Variants in CCDC125 observed in about 807,000 individuals in gnomAD.
The protein encoded by CCDC125 is coiled-coil domain containing 125.
In CCDC125, 43 loss-of-function variants were observed where a neutral mutation model predicts 57.4. That is an observed-to-expected ratio of 0.75 (90% CI 0.59 to 0.97). CCDC125 has a LOEUF of 0.97. Ranked by LOEUF, CCDC125 falls within the 50% of genes least tolerant of loss-of-function variation. The probability of loss-of-function intolerance (pLI) is 0.00; values close to 1 mark genes in which losing one functional copy is unlikely to be tolerated. For missense variants in CCDC125, 563 were observed against 595.7 expected, an observed-to-expected ratio of 0.95 and a Z score of 0.57; for synonymous variants, 187 against 195.2, an observed-to-expected ratio of 0.96 and a Z score of 0.35.
At chr5:69,276,688 A>G, downstream of CCDC125, 1 of 1,611,364 alleles carries the variant, frequency 6.2e-7, no homozygotes, top group Non-Finnish European at 8.5e-7. Flanking sequence ...GCCTTAGAAC[A>G]AGGTAAGATT....
chr5:69,273,140 A>G, the CCDC125 span: 3 of 846,480 alleles, frequency 3.5e-6, no homozygotes, highest in African/African-American at 5.2e-5. Context: ...TTTTTTAAAT[A>G]CTGGAAAGAT....
intron 6 of CCDC125, among the ~76,000 whole-genome samples, chr5:69,304,385 G>A (rs1239481912): frequency 6.6e-6 from 1 of 150,872 alleles, no homozygotes; most frequent in Non-Finnish European, 1.5e-5. Context: ...GATTACAGTT[G>A]TGAGCCATCA....
Position 69,330,972 on chromosome 5 carries a change from G to A in CCDC125, c.-41+1677C>T, listed in dbSNP as rs953268022. On this transcript the variant is annotated intron_variant, in intron 1 of 11. Coordinates refer to ENST00000396496, the MANE Select transcript of CCDC125 (RefSeq NM_176816.5). ...AAACATTCCATGGCTCCCATGGCAT[G>A]TATAATTGTAGTCAATGTCACCCTG... Among the ~76,000 whole-genome samples the A allele has an allele frequency of 3.3e-5, 5 of 152,004 alleles. No homozygotes were observed. The East Asian group carries it at 9.8e-4, about 30-fold the overall frequency.
At chr5:69,323,762 C>T (rs1026454211) in intron 1 of CCDC125, 3 of 152,176 alleles carry the variant, frequency 2.0e-5, no homozygotes, top group African/African-American at 7.2e-5. Flanking sequence ...CAACTAGTAT[C>T]ACTGAGCCCT....
chr5:69,276,686 A>G (rs774953043), downstream of CCDC125: 14 of 1,612,328 alleles, frequency 8.7e-6, no homozygotes, highest in Admixed American at 2.4e-4. Flanking sequence ...AGGCCTTAGA[A>G]CAAGGTAAGA....
At chr5:69,279,484 C>T (rs187674406), downstream of CCDC125, among the ~76,000 whole-genome samples, 4 of 152,284 alleles carry the variant, frequency 2.6e-5, no homozygotes, top group African/African-American at 9.6e-5. Context: ...GCGTGAGCCA[C>T]CGTGCCCGGC....
At chr5:69,300,275 A>G in intron 7 of CCDC125, 148 bp from the exon 8 acceptor site, 1 of 632,318 alleles carries the variant, frequency 1.6e-6, no homozygotes, top group African/African-American at 1.8e-5. Context: ...ATCTGATAGA[A>G]TAGTGAGTAT....
chr5:69,321,127 T>C (rs779545323), intron 1 of CCDC125, among the ~76,000 whole-genome samples: 7 of 152,220 alleles, frequency 4.6e-5, no homozygotes, highest in Non-Finnish European at 8.8e-5. Context: ...ATGGTGAATA[T>C]AACAAAAATG....
chr5:69,319,075 G>A (rs567925916), intron 2 of CCDC125, among the ~76,000 whole-genome samples: 3 of 151,430 alleles, frequency 2.0e-5, no homozygotes, highest in Admixed American at 6.6e-5. Context: ...CTACAAGCAC[G>A]TGCCACCACA....
chr5:69,285,520 T>C (rs751038507), intron 10 of CCDC125, 53 bp from the exon 11 acceptor site: 17 of 1,536,522 alleles, frequency 1.1e-5, no homozygotes, highest in South Asian at 3.7e-5. Context: ...CTCACTGATA[T>C]ACTTCCAGCA....
chr5:69,285,354 T>G lies in CCDC125; in HGVS notation c.1213A>C (p.Lys405Gln). 6.2e-7 allele frequency: 1 copy of G among 1,610,612 alleles called. No individual in the cohort carries two copies. Among genetic ancestry groups the G allele is most frequent in the Non-Finnish European group, 8.5e-7 (1 of 1,179,140 alleles). Reference sequence around the variant, plus strand: ...ACACTAACCAAATCTATGAGCATCTTAAGGACCTCTTGAGGACTGTCCTGG... The same window carrying G: ...ACACTAACCAAATCTATGAGCATCTGAAGGACCTCTTGAGGACTGTCCTGG... The part of the protein sequence containing the change: ...EDQDSPQEVL[K>Q]MLIDLLNDKE... Residue 405 changes from lysine (K) to glutamine (Q), a missense_variant, in exon 11 of 12, where the codon AAG (lysine) becomes CAG (glutamine). Transcript: ENST00000396496.
intron 8 of CCDC125, among the ~76,000 whole-genome samples, chr5:69,298,481 C>T (rs1445789314): frequency 6.6e-6 from 1 of 152,192 alleles, no homozygotes; most frequent in African/African-American, 2.4e-5. Flanking sequence ...TTCAGTTGAG[C>T]TGAATGTACA....
At chr5:69,307,888 T>C in intron 5 of CCDC125, 63 bp downstream of exon 5, 1 of 1,288,536 alleles carries the variant, frequency 7.8e-7, no homozygotes, top group South Asian at 1.2e-5. Context: ...TATGGTGAGT[T>C]TAGGGAAATT....
At chr5:69,309,138 A>T (rs936132008) in intron 4 of CCDC125, 1 of 152,246 alleles carries the variant, frequency 6.6e-6, no homozygotes, top group African/African-American at 2.4e-5. Context: ...TGACAATGCA[A>T]TAGAAAAGAA....
At chr5:69,298,765 C>T (rs1426544752) in intron 8 of CCDC125, among the ~76,000 whole-genome samples, 1 of 152,206 alleles carries the variant, frequency 6.6e-6, no homozygotes, top group Non-Finnish European at 1.5e-5. Flanking sequence ...CCTAAACTTT[C>T]TTTAAGCTGT....
At chr5:69,305,720 G>A (rs116763277) in intron 6 of CCDC125, among the ~76,000 whole-genome samples, 6,246 of 152,226 alleles carry the variant, frequency 0.041, 163 homozygotes, top group Non-Finnish European at 0.063. Flanking sequence ...AGCCTGCACC[G>A]AGTCAAGCAG....
intron 4 of CCDC125, 58 bp downstream of exon 4, chr5:69,311,060 C>A: frequency 8.4e-7 from 1 of 1,193,864 alleles, no homozygotes; most frequent in East Asian, 2.4e-5. Context: ...AAGTTAAAAC[C>A]ATACCAACAT....
intron 6 of CCDC125, among the ~76,000 whole-genome samples, chr5:69,305,092 C>T (rs1757125064): frequency 6.6e-6 from 1 of 151,868 alleles, no homozygotes; most frequent in Non-Finnish European, 1.5e-5. Flanking sequence ...AGGGTACACC[C>T]ATGTTCATAG....
rs779117635 is a variant in CCDC125, at chr5:69,311,122, C to G, written c.449G>C (p.Ser150Thr). 6.3e-7 allele frequency: 1 copy of G among 1,596,452 alleles called. No homozygotes were observed. Among genetic ancestry groups the G allele is most frequent in the African/African-American group, 1.3e-5 (1 of 74,622 alleles). Residue 150 changes from serine (S) to threonine (T), a missense_variant, in exon 4 of 12, where the codon AGC becomes ACC. By Grantham distance (58) the Ser-to-Thr change is moderately conservative. Transcript: ENST00000396496. ...AGTTTAAAAACAACTTCTTACCATGCTTTGAAGAATTTTCAATGCTTCCTC... is the reference window on the plus strand; with the variant it reads ...AGTTTAAAAACAACTTCTTACCATGGTTTGAAGAATTTTCAATGCTTCCTC... Reference protein sequence around the residue: ...GKEEALKILQSMAILGKATSH... With the variant: ...GKEEALKILQTMAILGKATSH...
Sources: gnomAD v4.1 joint callset for allele counts (sites outside exome capture counted in the v4.1 genomes callset) on GRCh38, gnomAD v4.1.1 for gene constraint, MANE v1.5 for transcripts, NCBI Gene and HGNC (gene_info 2026-07-23, HGNC 2026-07-21) for gene names.